LARP4: variants seen among roughly 807,000 people sequenced by gnomAD.
LARP4 encodes the protein la-related protein 4.
LARP4 carries 29 observed loss-of-function variants against 92.9 expected under a neutral mutation model. The observed-to-expected ratio is 0.31, with a 90% CI of 0.23 to 0.43. LARP4 has a LOEUF of 0.43. Among genes scored for constraint, LARP4 ranks in the 20% least tolerant of loss-of-function variants. The pLI, the probability that LARP4 is intolerant of heterozygous loss-of-function variation, is 1.00. For synonymous variants in LARP4, 279 were observed against 284.1 expected (o/e 0.98, Z 0.18); for missense variants, 732 against 860.0 (o/e 0.85, Z 1.86).
intron 3 of LARP4, 57 bp downstream of exon 3, chr12:50,429,147 C>G (rs922531833): frequency 1.3e-5 from 17 of 1,277,756 alleles, no homozygotes; most frequent in Non-Finnish European, 1.8e-5. Context: ...ACCCCCCACC[C>G]ATGGTCTCTT....
At chr12:50,430,009 A>T (rs1332344014) in intron 3 of LARP4, among the ~76,000 whole-genome samples, 1 of 152,200 alleles carries the variant, frequency 6.6e-6, no homozygotes, top group East Asian at 1.9e-4. Flanking sequence ...TATGAAATGT[A>T]TCTGATGAAA....
At chr12:50,412,750 T>G (rs1277661676) in intron 1 of LARP4, among the ~76,000 whole-genome samples, 1 of 152,226 alleles carries the variant, frequency 6.6e-6, no homozygotes, top group Non-Finnish European at 1.5e-5. Flanking sequence ...AGTTTAGATC[T>G]TTTTGTTGAG....
At chr12:50,440,398 A>T (rs367961126) in intron 6 of LARP4, 41 bp from the exon 7 acceptor site, 24 of 1,387,686 alleles carry the variant, frequency 1.7e-5, no homozygotes, top group Non-Finnish European at 1.8e-5. Flanking sequence ...CCAATTATTG[A>T]TGTATTTTTT....
rs145957757 is a variant in LARP4 at position 50,466,429 on chromosome 12, C to T, written c.1384-530C>T. Among the ~76,000 whole-genome samples, 13 of 152,056 alleles carry T rather than the reference C, an allele frequency of 8.5e-5. No individual in the cohort carries two copies. The East Asian group carries it at 2.1e-3, about 25-fold the overall frequency. ...AAGAGTTTGAGACCAGCCTGGGCAA[C>T]GTAGTGAAACCTTGTCACTACTAAA... is the stretch of plus-strand genomic sequence containing the variant. On this transcript the variant is annotated intron_variant, in intron 12 of 15. Transcript: ENST00000398473.
chr12:50,407,869 C>T (rs938983168), intron 1 of LARP4, among the ~76,000 whole-genome samples: 1 of 152,048 alleles, frequency 6.6e-6, no homozygotes, highest in Non-Finnish European at 1.5e-5. Context: ...TGCAAATAGG[C>T]ACTTTGCACT....
At chr12:50,442,560 T>G (rs923399321) in intron 8 of LARP4, among the ~76,000 whole-genome samples, 2 of 152,236 alleles carry the variant, frequency 1.3e-5, no homozygotes, top group Non-Finnish European at 2.9e-5. Context: ...TACACTTAGT[T>G]CGACTTGATC....
chr12:50,447,866 C>T (rs569946527), intron 8 of LARP4, among the ~76,000 whole-genome samples: 1 of 151,836 alleles, frequency 6.6e-6, no homozygotes, highest in Non-Finnish European at 1.5e-5. Flanking sequence ...ACTCCCCCCC[C>T]ATTTTTTTCT....
rs768697912 is a variant in LARP4 at position 50,461,157 on chromosome 12, T to A, written c.1144T>A (p.Ser382Thr). Residue 382 changes from serine to threonine, a missense_variant, in exon 11 of 16, where the codon TCT becomes ACT. By Grantham distance (58) the Ser-to-Thr change is moderately conservative. Around this residue, in one of 7 missense-constraint regions of LARP4, gnomAD observed 264 missense variants for 269.5 expected, o/e 0.98. Transcript: ENST00000398473. ...KNRVKPQFRS[S>T]GGSEHSTEGS... ...TAGTGTGAAGCCTCAGTTTAGGTCA[T>A]CTGGTGGTTCAGAACACTCAACAGA... 1 of 1,614,034 alleles carries A rather than the reference T, an allele frequency of 6.2e-7. No individual in the cohort carries two copies. Among genetic ancestry groups the A allele is most frequent in the South Asian group, 1.1e-5 (1 of 91,086 alleles).
chr12:50,409,424 C>CT (rs1007111674), intron 1 of LARP4, among the ~76,000 whole-genome samples: 2 of 152,050 alleles, frequency 1.3e-5, no homozygotes, highest in African/African-American at 4.8e-5. Context: ...AATACTAGCA[C>CT]TTAGGGAGGC....
intron 1 of LARP4, among the ~76,000 whole-genome samples, 168 bp from the exon 2 acceptor site, chr12:50,427,594 G>A (rs1479381537): frequency 6.6e-6 from 1 of 151,992 alleles, no homozygotes; most frequent in African/African-American, 2.4e-5. Context: ...TTATATAGAT[G>A]TCTCACATTT....
intron 12 of LARP4, among the ~76,000 whole-genome samples, chr12:50,464,265 G>T (rs1473042025): frequency 6.6e-6 from 1 of 152,236 alleles, no homozygotes; most frequent in Non-Finnish European, 1.5e-5. Flanking sequence ...AGCTTCTGGG[G>T]AGGCCTTGGG....
intron 9 of LARP4, 70 bp from the exon 10 acceptor site, chr12:50,454,244 G>A (rs923082361): frequency 1.8e-6 from 2 of 1,107,368 alleles, no homozygotes; most frequent in Non-Finnish European, 2.7e-6. Flanking sequence ...AGCTCATTAA[G>A]GTTCTTGTGA....
Position 50,453,776 on chromosome 12 carries a change from T to A in LARP4, c.1017+104T>A, listed in dbSNP as rs190377500. 4 of 690,742 alleles carry A rather than the reference T, an allele frequency of 5.8e-6. No individual in the cohort carries two copies. In the Admixed American group the frequency reaches 1.1e-4, roughly 20 times the overall value. 42.8% of individuals were successfully genotyped at this position (690,742 alleles called of 1,614,324 possible). ...GCTCATTTATGTTGACATTGATGAC[T>A]TTTTGGCCTTTATTTTATTTTATTT... is the stretch of plus-strand genomic sequence containing the variant. On this transcript the variant is annotated intron_variant, in intron 9 of 15. Coordinates refer to ENST00000398473, the MANE Select transcript of LARP4 (RefSeq NM_052879.5).
At chr12:50,461,012 CT>C in intron 10 of LARP4, 122 bp from the exon 11 acceptor site, 1 of 729,798 alleles carries the variant, frequency 1.4e-6, no homozygotes, top group Non-Finnish European at 2.4e-6. Flanking sequence ...CAACATTATT[CT>C]TTTGTGTTTA....
At chr12:50,445,202 C>A (rs1260809548) in intron 8 of LARP4, among the ~76,000 whole-genome samples, 1 of 152,128 alleles carries the variant, frequency 6.6e-6, no homozygotes, top group African/African-American at 2.4e-5. Flanking sequence ...CTGCGCCCAG[C>A]ATTTGTGATG....
intron 1 of LARP4, among the ~76,000 whole-genome samples, chr12:50,412,992 G>A (rs1946165718): frequency 6.6e-6 from 1 of 152,110 alleles, no homozygotes. Flanking sequence ...TGGAGGCTGA[G>A]GCGGGCGGAT....
chr12:50,454,466 A>C, intron 10 of LARP4, 49 bp downstream of exon 10: 1 of 1,310,624 alleles, frequency 7.6e-7, no homozygotes, highest in Non-Finnish European at 1.1e-6. Flanking sequence ...TTCCTAATGG[A>C]TCTTAAGGCA....
At chr12:50,456,993 A>G (rs61578731) in intron 10 of LARP4, among the ~76,000 whole-genome samples, 16,494 of 151,902 alleles carry the variant, frequency 0.11, 1,761 homozygotes, top group East Asian at 0.45. Flanking sequence ...GCTTACTGCA[A>G]CCTCTGCTTC....
chr12:50,401,353 G>A (rs1026863857), intron 1 of LARP4: 4 of 331,946 alleles, frequency 1.2e-5, no homozygotes, highest in African/African-American at 6.4e-5. Context: ...GGGTTGGGGG[G>A]CGGAGTCTGA....
Sources: allele counts gnomAD v4.1 joint callset (sites outside exome capture counted in the v4.1 genomes callset), GRCh38; gene constraint gnomAD v4.1.1; regional missense constraint gnomAD v4.1.1; transcripts MANE v1.5; gene names NCBI Gene and HGNC (gene_info 2026-07-23, HGNC 2026-07-21).